The following KDM6A variants were observed in gnomAD, a reference collection of about 807,000 sequenced individuals.
KDM6A encodes lysine-specific demethylase 6A.
KDM6A carries 11 observed loss-of-function variants against 117.6 expected under a neutral mutation model. The ratio of observed to expected loss-of-function variants is 0.09; its 90% CI spans 0.06 to 0.15. The LOEUF (loss-of-function observed/expected upper bound fraction) is 0.15, where lower values mean the gene tolerates loss of function less well. Among genes scored for constraint, KDM6A ranks in the 10% least tolerant of loss-of-function variants. KDM6A has a pLI of 1.00. For missense variants in KDM6A, 799 were observed against 1,077.3 expected, an observed-to-expected ratio of 0.74 and a Z score of 3.62; for synonymous variants, 384 against 396.1, an observed-to-expected ratio of 0.97 and a Z score of 0.36.
At chrX:45,106,288 C>G (rs373774341) in intron 27 of KDM6A, among the ~76,000 whole-genome samples, 10 of 111,388 alleles carry the variant, frequency 9.0e-5, no homozygotes, top group East Asian at 8.5e-4. Context: ...CACCCACCAC[C>G]AGGTTAATAT....
intron 8 of KDM6A, among the ~76,000 whole-genome samples, chrX:45,048,848 C>A: frequency 9.4e-6 from 1 of 105,856 alleles, no homozygotes; most frequent in African/African-American, 3.9e-5. Context: ...TTGTCAGAGG[C>A]AAAACTTCTA....
rs182330662 is a variant in KDM6A, at chrX:45,007,720, C to T, written c.385-3241C>T. 3.4e-3 allele frequency among the ~76,000 whole-genome samples: 378 copies of T among 111,389 alleles called. 3 individuals are homozygous for T. The highest frequency in any genetic ancestry group is 0.012 in the African/African-American group (361 of 30,555). ...TGCCTTTATGGCATTTTTATTTGAT[C>T]GGATGGAGTTTAGTCAACACACAAG... On this transcript the variant is annotated intron_variant, in intron 4 of 29. Transcript: ENST00000611820.
intron 8 of KDM6A, among the ~76,000 whole-genome samples, chrX:45,040,505 C>A (rs2043066654): frequency 1.3e-5 from 1 of 79,180 alleles, no homozygotes; most frequent in African/African-American, 4.8e-5. Flanking sequence ...GGCTGACCCC[C>A]CCACCTCCCT....
chrX:44,967,150 G>A (rs181826430), intron 3 of KDM6A, among the ~76,000 whole-genome samples: 3 of 111,617 alleles, frequency 2.7e-5, no homozygotes, highest in East Asian at 5.6e-4. Flanking sequence ...GATTACAGGC[G>A]TGAGCCACCG....
chrX:45,058,970 C>G (rs2044194336), intron 10 of KDM6A, 36 bp from the exon 11 acceptor site: 1 of 1,084,391 alleles, frequency 9.2e-7, no homozygotes, highest in African/African-American at 1.9e-5. Context: ...TAATGGAATT[C>G]TCTTGATTTT....
At chrX:45,078,597 CTT>C (rs1314636474) in intron 20 of KDM6A, 92 bp downstream of exon 20, 1 of 703,152 alleles carries the variant, frequency 1.4e-6, no homozygotes, top group African/African-American at 2.3e-5. Flanking sequence ...TCTTTTTTTT[CTT>C]TTTTCTTTTT....
intron 19 of KDM6A, among the ~76,000 whole-genome samples, chrX:45,077,696 A>C (rs774455937): frequency 2.7e-5 from 3 of 111,451 alleles, no homozygotes; most frequent in Non-Finnish European, 5.7e-5. Context: ...TTTATCTTTT[A>C]TGGGTCCTCT....
chrX:44,904,275 A>G (rs1011595097), intron 2 of KDM6A, among the ~76,000 whole-genome samples: 1 of 112,006 alleles, frequency 8.9e-6, no homozygotes, highest in Non-Finnish European at 1.9e-5. Context: ...CTGTGCAGTC[A>G]GTTGACAACA....
intron 2 of KDM6A, among the ~76,000 whole-genome samples, chrX:44,919,641 CTT>C (rs1204126878): frequency 1.3e-4 from 12 of 91,526 alleles, no homozygotes; most frequent in Admixed American, 1.2e-4. Flanking sequence ...CAATATATAT[CTT>C]TTTTTTTTTT....
chrX:44,914,125 G>A (rs1433222590), intron 2 of KDM6A, among the ~76,000 whole-genome samples: 6 of 111,645 alleles, frequency 5.4e-5, no homozygotes, highest in African/African-American at 1.6e-4. Context: ...AGTAAAGCTC[G>A]CCTTTCTGAG....
intron 7 of KDM6A, among the ~76,000 whole-genome samples, chrX:45,036,616 A>G (rs2042823958): frequency 8.9e-6 from 1 of 112,363 alleles, no homozygotes; most frequent in Non-Finnish European, 1.9e-5. Context: ...GTTTTAATTT[A>G]TACCTTTTTC....
chrX:45,053,015 G>A (rs1228843741), intron 9 of KDM6A, among the ~76,000 whole-genome samples: 2 of 111,718 alleles, frequency 1.8e-5, no homozygotes, highest in African/African-American at 3.3e-5. Context: ...TATAGGGTGC[G>A]AATATATGTA....
intron 8 of KDM6A, among the ~76,000 whole-genome samples, chrX:45,047,012 G>A (rs1248840206): frequency 1.9e-5 from 2 of 103,503 alleles, no homozygotes; most frequent in Non-Finnish European, 3.9e-5. Context: ...GTGGTGGTTT[G>A]GAGTGTCTAG....
At chrX:45,080,378 C>T in intron 21 of KDM6A, among the ~76,000 whole-genome samples, 1 of 111,812 alleles carries the variant, frequency 8.9e-6, no homozygotes, top group Non-Finnish European at 1.9e-5. Flanking sequence ...TGAAGCATTA[C>T]AAAAATCCTC....
chrX:44,893,904 A>G (rs900429828), intron 2 of KDM6A, among the ~76,000 whole-genome samples: 1 of 111,501 alleles, frequency 9.0e-6, no homozygotes, highest in Non-Finnish European at 1.9e-5. Context: ...TGATGTGATT[A>G]TATGATTTTT....
intron 2 of KDM6A, among the ~76,000 whole-genome samples, chrX:44,882,452 T>G (rs2032397590): frequency 8.9e-6 from 1 of 112,374 alleles, no homozygotes; most frequent in African/African-American, 3.2e-5. Context: ...GTGGACCTTG[T>G]TTTTTGCTGT....
intron 2 of KDM6A, among the ~76,000 whole-genome samples, chrX:44,887,465 G>A (rs899705025): frequency 1.8e-5 from 2 of 111,105 alleles, no homozygotes; most frequent in African/African-American, 3.3e-5. Context: ...GTATGTCAGG[G>A]AGAAAGAAAA....
chrX:45,005,401 C>T (rs1332028779), intron 4 of KDM6A, among the ~76,000 whole-genome samples: 1 of 110,770 alleles, frequency 9.0e-6, no homozygotes, highest in African/African-American at 3.3e-5. Flanking sequence ...TTGGGTTCTT[C>T]CCTATTTGTT....
At position 44,873,441 on chromosome X, in the gene KDM6A, A is replaced by C; in HGVS notation, c.-111A>C. 4 of 1,017,297 alleles carry C rather than the reference A, an allele frequency of 3.9e-6. No individual in the cohort carries two copies. The highest frequency in any genetic ancestry group is 3.3e-5 in the East Asian group (1 of 29,969). 83.8% of individuals were successfully genotyped at this position (1,017,297 alleles called of 1,213,427 possible). ...TCGCCGCCGCCCGCGGCGGAGGAGG[A>C]GGCGGCGATAAAGTTGGTGTGCTGG... On this transcript the variant is annotated 5_prime_UTR_variant, in exon 1 of 30. Coordinates refer to ENST00000611820, the MANE Select transcript of KDM6A (RefSeq NM_001291415.2).
Sources: gnomAD v4.1 joint callset for allele counts (sites outside exome capture counted in the v4.1 genomes callset) on GRCh38, gnomAD v4.1.1 for gene constraint, MANE v1.5 for transcripts, NCBI Gene and HGNC (gene_info 2026-07-23, HGNC 2026-07-21) for gene names.